MYO9A: variants seen among roughly 807,000 people sequenced by gnomAD.
The protein encoded by MYO9A is unconventional myosin-IXa.
Under a neutral mutation model 293.3 loss-of-function variants are expected in MYO9A, and 103 were observed. The ratio of observed to expected loss-of-function variants is 0.35; its 90% CI spans 0.30 to 0.41. The LOEUF is 0.41. Ranked by LOEUF, MYO9A falls within the 10% of genes least tolerant of loss-of-function variation. MYO9A has a pLI of 1.00. For missense variants in MYO9A, 2,685 were observed against 3,033.0 expected, an observed-to-expected ratio of 0.89 and a Z score of 2.69; for synonymous variants, 1,001 against 1,035.7, an observed-to-expected ratio of 0.97 and a Z score of 0.64.
intron 18 of MYO9A, among the ~76,000 whole-genome samples, chr15:71,923,911 T>C (rs2058221179): frequency 6.6e-6 from 1 of 152,180 alleles, no homozygotes; most frequent in Non-Finnish European, 1.5e-5. Context: ...TCATTTTTCC[T>C]AGTTCCTTGA....
In MYO9A at chr15:71,826,750, A is replaced by G; in HGVS notation, c.7477T>C (p.Phe2493Leu). The part of the protein sequence containing the change: ...DKPQFISRGT[F>L]NPEKGKQKLK... Reference sequence around the variant, plus strand: ...TTTTGTTTGCCCTTTTCCGGGTTGAAGGTTCCTCTGCTGATGAACTGAGGC... The same window carrying G: ...TTTTGTTTGCCCTTTTCCGGGTTGAGGGTTCCTCTGCTGATGAACTGAGGC... Residue 2493 changes from phenylalanine to leucine, a missense_variant, in exon 42 of 42, where the codon TTC (phenylalanine) becomes CTC (leucine). Physicochemically the swap from Phe to Leu is conservative, Grantham distance 22. Transcript: ENST00000356056. 1 of 1,614,082 alleles carries G rather than the reference A, an allele frequency of 6.2e-7. No homozygotes were observed. The highest frequency in any genetic ancestry group is 8.5e-7 in the Non-Finnish European group (1 of 1,179,996).
chr15:71,911,708 A>G (rs1235632388), intron 19 of MYO9A, among the ~76,000 whole-genome samples: 1 of 152,234 alleles, frequency 6.6e-6, no homozygotes, highest in African/African-American at 2.4e-5. Flanking sequence ...TCCATGCATA[A>G]ACATTGCACA....
chr15:72,056,085 G>C (rs1189439881), intron 1 of MYO9A, among the ~76,000 whole-genome samples: 1 of 152,064 alleles, frequency 6.6e-6, no homozygotes, highest in Non-Finnish European at 1.5e-5. Flanking sequence ...AAAATTAGCT[G>C]GGCATGGTGG....
chr15:71,904,852 T>C lies in MYO9A; in HGVS notation c.2766+74A>G, dbSNP rs555035372. On this transcript the variant is annotated intron_variant, in intron 20 of 41. Transcript: ENST00000356056. ...ATAGTTAGTGCTTCCCCTCCACTTA[T>C]TCTGCTTAAAAGTATTTAAAGCTCA... The C allele has an allele frequency of 8.6e-6, 9 of 1,050,580 alleles. No homozygotes were observed. The East Asian group carries it at 1.7e-4, about 20-fold the overall frequency. 65.1% of individuals were successfully genotyped at this position (1,050,580 alleles called of 1,614,324 possible).
rs1422572839 is a variant in MYO9A at position 71,822,340 on chromosome 15, C to G, written c.*4240G>C. 1 of 152,138 alleles carries G rather than the reference C, an allele frequency of 6.6e-6. No homozygotes were observed. Among genetic ancestry groups the G allele is most frequent in the Non-Finnish European group, 1.5e-5 (1 of 68,034 alleles). 9.4% of individuals were successfully genotyped at this position (152,138 alleles called of 1,614,324 possible). On this transcript the variant is annotated 3_prime_UTR_variant, in exon 42 of 42. Transcript: ENST00000356056. ...ATGAGCCATGGGGTGATTTGTTCAT[C>G]AAGCTGCTTTTGTGTAGCCATACAG...
intron 39 of MYO9A, among the ~76,000 whole-genome samples, chr15:71,843,523 C>G (rs2055256660): frequency 6.6e-6 from 1 of 152,204 alleles, no homozygotes; most frequent in African/African-American, 2.4e-5. Context: ...GGGTCTCACT[C>G]TGTCACTCAG....
In MYO9A at chr15:71,851,322, T is replaced by C. The variant is rs748099051; in HGVS notation, c.6512A>G (p.Tyr2171Cys). 1 of 1,613,766 alleles carries C rather than the reference T, an allele frequency of 6.2e-7. No individual in the cohort carries two copies. The highest frequency in any genetic ancestry group is 1.1e-5 in the South Asian group (1 of 91,020). Reference sequence around the variant, plus strand: ...TCGGGAGAGTTGATCAATCACAGAGTATACACCACGGATTGTCTCCTTCCT... The same window carrying C: ...TCGGGAGAGTTGATCAATCACAGAGCATACACCACGGATTGTCTCCTTCCT... ...QERKETIRGV[Y>C]SVIDQLSRTH... Residue 2171 changes from tyrosine (Y) to cysteine (C), a missense_variant, in exon 37 of 42, where the codon TAC becomes TGC. Physicochemically the swap from Tyr to Cys is radical, Grantham distance 194. Transcript: ENST00000356056.
intron 12 of MYO9A, among the ~76,000 whole-genome samples, chr15:71,968,968 A>C (rs2075944943): frequency 6.6e-6 from 1 of 152,246 alleles, no homozygotes; most frequent in African/African-American, 2.4e-5. Context: ...AAATTACAAC[A>C]AACATAGTTA....
intron 11 of MYO9A, among the ~76,000 whole-genome samples, chr15:71,987,776 T>C (rs945672715): frequency 5.9e-5 from 9 of 152,166 alleles, no homozygotes; most frequent in Non-Finnish European, 1.2e-4. Flanking sequence ...ATTTTAACCT[T>C]AACTTATTTT....
intron 32 of MYO9A, among the ~76,000 whole-genome samples, chr15:71,874,406 T>C (rs2056616585): frequency 6.6e-6 from 1 of 151,924 alleles, no homozygotes; most frequent in Non-Finnish European, 1.5e-5. Context: ...TGGCAGCAAA[T>C]GTAGCTTAAA....
chr15:71,833,648 C>G (rs1431455616), intron 39 of MYO9A, among the ~76,000 whole-genome samples: 1 of 152,052 alleles, frequency 6.6e-6, no homozygotes, highest in African/African-American at 2.4e-5. Context: ...AAAGCGCACA[C>G]AGCAAGACAA....
intron 3 of MYO9A, among the ~76,000 whole-genome samples, chr15:72,029,650 T>C (rs1596417235): frequency 1.3e-5 from 2 of 152,324 alleles, no homozygotes; most frequent in Non-Finnish European, 1.5e-5. Context: ...AGAGCTACTA[T>C]ACTATATGCC....
intron 29 of MYO9A, 62 bp from the exon 30 acceptor site, chr15:71,879,899 A>C: frequency 9.0e-7 from 1 of 1,112,252 alleles, no homozygotes; most frequent in East Asian, 2.4e-5. Context: ...TAAATACAAC[A>C]GTAGGCATGT....
At chr15:71,933,433 G>A (rs74022483) in intron 18 of MYO9A, among the ~76,000 whole-genome samples, 280 of 152,142 alleles carry the variant, frequency 1.8e-3, no homozygotes, top group African/African-American at 6.3e-3. Flanking sequence ...TTTATATTCA[G>A]GAGCTATTAA....
intron 39 of MYO9A, among the ~76,000 whole-genome samples, chr15:71,838,426 G>T (rs2055023759): frequency 1.3e-5 from 2 of 152,042 alleles, no homozygotes; most frequent in South Asian, 4.1e-4. Flanking sequence ...GATTGTATTG[G>T]TTTTGACTGA....
chr15:72,088,084 A>C (rs934079460), intron 1 of MYO9A, among the ~76,000 whole-genome samples: 1 of 152,164 alleles, frequency 6.6e-6, no homozygotes, highest in Non-Finnish European at 1.5e-5. Flanking sequence ...CCAGCAAGCC[A>C]AAAAAAGAGG....
intron 8 of MYO9A, among the ~76,000 whole-genome samples, chr15:72,007,404 A>T (rs1012043470): frequency 1.3e-5 from 2 of 152,068 alleles, no homozygotes; most frequent in African/African-American, 4.8e-5. Flanking sequence ...AAAAAAAAAA[A>T]AGTAGTATCC....
intron 12 of MYO9A, among the ~76,000 whole-genome samples, chr15:71,976,113 G>T (rs1375595463): frequency 6.6e-6 from 1 of 152,104 alleles, no homozygotes; most frequent in African/African-American, 2.4e-5. Context: ...TGCAGTTTTG[G>T]GGACTGAGCC....
intron 27 of MYO9A, among the ~76,000 whole-genome samples, chr15:71,885,217 A>G (rs2056985046): frequency 1.3e-5 from 2 of 152,092 alleles, no homozygotes; most frequent in South Asian, 4.1e-4. Flanking sequence ...CTAACCATAA[A>G]CATGTGCCCC....
Sources: allele counts gnomAD v4.1 joint callset (sites outside exome capture counted in the v4.1 genomes callset), GRCh38; gene constraint gnomAD v4.1.1; transcripts MANE v1.5; gene names NCBI Gene and HGNC (gene_info 2026-07-23, HGNC 2026-07-21).